Variants in FRMD4B observed in about 807,000 individuals in gnomAD.
The protein encoded by FRMD4B is FERM domain containing 4B, also known as FERM domain-containing protein 4B.
In FRMD4B, 74 loss-of-function variants were observed where a neutral mutation model predicts 141.5. The observed-to-expected ratio is 0.52, with a 90% confidence interval of 0.43 to 0.63. The LOEUF (loss-of-function observed/expected upper bound fraction) is 0.63. FRMD4B is among the 30% of genes least tolerant of loss of function. The probability of loss-of-function intolerance (pLI) is 0.00; values close to 1 mark genes in which losing one functional copy is unlikely to be tolerated. For missense variants in FRMD4B, 1,366 were observed against 1,253.4 expected (o/e 1.09, Z -1.36); for synonymous variants, 506 against 467.9 (o/e 1.08, Z -1.05).
chr3:69,365,159 C>A (rs1173835470), intron 1 of FRMD4B, among the ~76,000 whole-genome samples: 1 of 152,144 alleles, frequency 6.6e-6, no homozygotes, highest in African/African-American at 2.4e-5. Flanking sequence ...TTTAACTATA[C>A]AAGGAAATTC....
At position 69,349,684 on chromosome 3, in the gene FRMD4B, T is replaced by C. The variant is rs561994542; in HGVS notation, c.162+36144A>G. Among the ~76,000 whole-genome samples, 52 of 152,220 alleles carry C rather than the reference T, an allele frequency of 3.4e-4. No homozygotes were observed. The South Asian group carries it at 7.1e-3, about 21-fold the overall frequency. On this transcript the variant is annotated intron_variant, in intron 1 of 22. Transcript: ENST00000398540. ...AAATAATATCACACATCTACAACCA[T>C]CTGATCTTTGACAAACCTGAGAAAA...
chr3:69,419,515 T>TTCACTGGCTCACTGGC (rs58014530), intron 2 of FRMD4B, among the ~76,000 whole-genome samples: 1 of 151,592 alleles, frequency 6.6e-6, no homozygotes, highest in Admixed American at 6.6e-5. Context: ...TCAGTTATCC[T>TTCACTGGCTCACTGGC]TCACTGGCTC....
chr3:69,382,108 T>C (rs1704133149), intron 1 of FRMD4B, among the ~76,000 whole-genome samples: 1 of 152,196 alleles, frequency 6.6e-6, no homozygotes, highest in South Asian at 2.1e-4. Flanking sequence ...GGTGTGATCA[T>C]GGCTTACTGC....
At chr3:69,541,601 G>T (rs1012372537) in intron 1 of FRMD4B, among the ~76,000 whole-genome samples, 3 of 152,144 alleles carry the variant, frequency 2.0e-5, no homozygotes, top group African/African-American at 7.2e-5. Context: ...ATTTCTCAAA[G>T]TAGGAGCTAA....
upstream of FRMD4B, among the ~76,000 whole-genome samples, chr3:69,389,362 A>G (rs1704334620): frequency 6.6e-6 from 1 of 152,142 alleles, no homozygotes; most frequent in Non-Finnish European, 1.5e-5. Context: ...CCCTGTGTAC[A>G]TATTATAAAA....
Position 69,398,538 on chromosome 3 carries a change from C to A in FRMD4B, c.-1+34096G>T, listed in dbSNP as rs532340658. Among the ~76,000 whole-genome samples the A allele has an allele frequency of 1.4e-4, 21 of 152,324 alleles. 1 individual carries two copies. In the South Asian group the frequency reaches 4.3e-3, roughly 32 times the overall value. On this transcript the variant is annotated intron_variant, in intron 2 of 5. Transcript: ENST00000459638. ...TTTTGCACATACTACTTTTTGATTTCTAATTGGAAATGCACATGCAATCAT... is the reference window on the plus strand; with the variant it reads ...TTTTGCACATACTACTTTTTGATTTATAATTGGAAATGCACATGCAATCAT...
At chr3:69,385,513 T>C (rs1704227821) in intron 1 of FRMD4B, among the ~76,000 whole-genome samples, 1 of 152,176 alleles carries the variant, frequency 6.6e-6, no homozygotes, top group Admixed American at 6.5e-5. Flanking sequence ...AATGTCTAAG[T>C]GGCTTTCTGA....
Position 69,198,726 on chromosome 3 carries a change from A to AT in FRMD4B, c.924dup (p.Phe309IlefsTer4). 6.4e-7 allele frequency: 1 copy of AT among 1,568,030 alleles called. No individual in the cohort carries two copies. Among genetic ancestry groups the AT allele is most frequent in the Non-Finnish European group, 8.7e-7 (1 of 1,149,534 alleles). ...CGTGGATCATGAACTTCAACAGCAA[A>AT]TTTTTTCTCACGGAAATATAAGTTC... On this transcript the variant is annotated frameshift_variant, in exon 12 of 23. Transcript: ENST00000398540. LOFTEE classifies it high-confidence loss of function.
intron 22 of FRMD4B, among the ~76,000 whole-genome samples, chr3:69,173,991 G>A (rs961325175): frequency 7.2e-5 from 11 of 152,054 alleles, no homozygotes; most frequent in African/African-American, 2.7e-4. Flanking sequence ...ACAAAAATTA[G>A]CCAGATGCGG....
At chr3:69,524,054 T>C (rs1242208590) in intron 1 of FRMD4B, among the ~76,000 whole-genome samples, 1 of 152,216 alleles carries the variant, frequency 6.6e-6, no homozygotes, top group East Asian at 1.9e-4. Context: ...AAGGAACATA[T>C]GCTCATTTAC....
intron 2 of FRMD4B, among the ~76,000 whole-genome samples, chr3:69,420,906 G>A (rs372409320): frequency 1.6e-4 from 24 of 152,146 alleles, no homozygotes; most frequent in African/African-American, 2.4e-4. Context: ...TACCAGATGC[G>A]CCCTCCCTGA....
At chr3:69,496,572 G>C (rs964254650) in intron 1 of FRMD4B, among the ~76,000 whole-genome samples, 1 of 143,368 alleles carries the variant, frequency 7.0e-6, no homozygotes, top group Non-Finnish European at 1.5e-5. Flanking sequence ...AATGAAGCCA[G>C]CATAAAGAAG....
chr3:69,273,796 G>A (rs915910948), intron 5 of FRMD4B, among the ~76,000 whole-genome samples: 5 of 152,042 alleles, frequency 3.3e-5, no homozygotes, highest in Middle Eastern at 3.2e-3. Context: ...GTGCAGTTGC[G>A]AGGAGTGACT....
intron 18 of FRMD4B, 29 bp from the exon 19 acceptor site, chr3:69,187,946 A>C (rs781229086): frequency 1.3e-5 from 17 of 1,308,180 alleles, no homozygotes; most frequent in Non-Finnish European, 1.1e-6. Context: ...TGAATGAAAA[A>C]ATAAGTAGGC....
At chr3:69,296,273 C>G (rs1701032009) in intron 4 of FRMD4B, among the ~76,000 whole-genome samples, 1 of 152,082 alleles carries the variant, frequency 6.6e-6, no homozygotes, top group African/African-American at 2.4e-5. Context: ...CACCAAAAGA[C>G]AGGACTGAAA....
At chr3:69,287,039 G>A (rs993245366) in intron 5 of FRMD4B, among the ~76,000 whole-genome samples, 4 of 152,116 alleles carry the variant, frequency 2.6e-5, no homozygotes, top group Non-Finnish European at 5.9e-5. Flanking sequence ...TACTGACCTC[G>A]TGATCCACCT....
At chr3:69,180,864 A>G (rs1327527630) in intron 21 of FRMD4B, 35 bp downstream of exon 21, 3 of 1,418,660 alleles carry the variant, frequency 2.1e-6, no homozygotes, top group African/African-American at 2.8e-5. Context: ...ATGTAAATAA[A>G]ATCCAGGTGT....
intron 21 of FRMD4B, among the ~76,000 whole-genome samples, chr3:69,178,755 C>T (rs2092675506): frequency 6.7e-6 from 1 of 150,142 alleles, no homozygotes; most frequent in Non-Finnish European, 1.5e-5. Context: ...AGCTTTGGAA[C>T]TTGGGTTATT....
intron 5 of FRMD4B, among the ~76,000 whole-genome samples, chr3:69,264,532 G>A (rs2093548509): frequency 6.6e-6 from 1 of 152,094 alleles, no homozygotes; most frequent in African/African-American, 2.4e-5. Context: ...TGAACTGTGA[G>A]GACATAGCCC....
Sources: allele counts gnomAD v4.1 joint callset (sites outside exome capture counted in the v4.1 genomes callset), GRCh38; gene constraint gnomAD v4.1.1; transcripts MANE v1.5; gene names NCBI Gene and HGNC (gene_info 2026-07-23, HGNC 2026-07-21).